The following MARCHF1 variants were observed in gnomAD, a reference collection of about 807,000 sequenced individuals.
MARCHF1 encodes membrane associated ring-CH-type finger 1, also known as E3 ubiquitin-protein ligase MARCHF1.
A neutral mutation model predicts 54.2 loss-of-function variants in MARCHF1; 40 were observed. That is an observed-to-expected ratio of 0.74 (90% CI 0.57 to 0.96). MARCHF1 has a LOEUF of 0.96. MARCHF1 is among the 40% of genes least tolerant of loss of function. MARCHF1 has a pLI of 0.00. For missense variants in MARCHF1, 586 were observed against 656.5 expected, an observed-to-expected ratio of 0.89 and a Z score of 1.17; for synonymous variants, 236 against 236.3, an observed-to-expected ratio of 1.00 and a Z score of 0.01.
chr4:164,308,922 TA>T (rs1734768772), intron 1 of MARCHF1, among the ~76,000 whole-genome samples: 1 of 139,872 alleles, frequency 7.1e-6, no homozygotes, highest in Admixed American at 7.2e-5. Flanking sequence ...TTTACCTAAA[TA>T]ACAAGCCTGC....
intron 4 of MARCHF1, among the ~76,000 whole-genome samples, chr4:163,845,863 G>A: frequency 6.6e-6 from 1 of 152,168 alleles, no homozygotes; most frequent in Non-Finnish European, 1.5e-5. Context: ...AAGCTGCACA[G>A]CTAATGTAAT....
intron 7 of MARCHF1, among the ~76,000 whole-genome samples, chr4:163,604,314 C>T (rs1233260581): frequency 6.6e-6 from 1 of 152,130 alleles, no homozygotes; most frequent in Non-Finnish European, 1.5e-5. Context: ...ATCTCTCTCT[C>T]AAACAATGTT....
At position 163,526,248 on chromosome 4, in the gene MARCHF1, C is replaced by CT. The variant is rs1738101007; in HGVS notation, c.*2499dup. The CT allele has an allele frequency of 6.6e-6, 1 of 152,030 alleles. No individual in the cohort carries two copies. The highest frequency in any genetic ancestry group is 1.5e-5 in the Non-Finnish European group (1 of 67,952). The allele number at this position is 152,030 out of a possible 1,614,324, so 9.4% of individuals were successfully genotyped here. ...AAAGTGTAGCCCTTAATAAATGAGGCTTTATTTTAGCCGATCATCCTCCAC... is the reference window on the plus strand; with the variant it reads ...AAAGTGTAGCCCTTAATAAATGAGGCTTTTATTTTAGCCGATCATCCTCCAC... On this transcript the variant is annotated 3_prime_UTR_variant, in exon 10 of 10. Transcript: ENST00000514618.
At chr4:164,283,458 T>C (rs1379399059) in intron 1 of MARCHF1, among the ~76,000 whole-genome samples, 1 of 150,720 alleles carries the variant, frequency 6.6e-6, no homozygotes, top group Non-Finnish European at 1.5e-5. Flanking sequence ...GAAAGATGCC[T>C]GGAAAAACTG....
chr4:163,989,928 A>T (rs1752941678), intron 2 of MARCHF1, among the ~76,000 whole-genome samples: 1 of 152,144 alleles, frequency 6.6e-6, no homozygotes, highest in South Asian at 2.1e-4. Flanking sequence ...ATAAGTTAGA[A>T]TTTTTCCCTA....
intron 3 of MARCHF1, among the ~76,000 whole-genome samples, chr4:163,900,935 C>T (rs771954646): frequency 1.4e-4 from 21 of 152,192 alleles, no homozygotes; most frequent in Non-Finnish European, 2.6e-4. Flanking sequence ...GATGACATTA[C>T]TAAAACTGTT....
At chr4:163,564,796 C>G (rs1739589357) in intron 8 of MARCHF1, among the ~76,000 whole-genome samples, 1 of 152,116 alleles carries the variant, frequency 6.6e-6, no homozygotes, top group African/African-American at 2.4e-5. Context: ...AGAAAAGAGT[C>G]AGATGTTTGT....
At chr4:163,657,848 G>A (rs1743204585) in intron 5 of MARCHF1, among the ~76,000 whole-genome samples, 1 of 152,020 alleles carries the variant, frequency 6.6e-6, no homozygotes, top group African/African-American at 2.4e-5. Context: ...TGGGAGAACT[G>A]GCTAGCTATA....
In MARCHF1 at chr4:164,336,551, T is replaced by C. The variant is rs1729746967; in HGVS notation, c.-323+47319A>G. On this transcript the variant is annotated intron_variant, in intron 1 of 9. Transcript: ENST00000514618. The stretch of plus-strand genomic sequence containing the variant: ...TTAAAATAATGCATCTTGGAATCAG[T>C]AACCAGTATATTGAAAGAATACCTT... Among the ~76,000 whole-genome samples, 3 of 152,242 alleles carry C rather than the reference T, an allele frequency of 2.0e-5. No individual in the cohort carries two copies. The South Asian group carries it at 6.2e-4, about 32-fold the overall frequency.
At chr4:163,807,265 A>G (rs188896606) in intron 4 of MARCHF1, among the ~76,000 whole-genome samples, 1 of 152,312 alleles carries the variant, frequency 6.6e-6, no homozygotes, top group Admixed American at 6.5e-5. Flanking sequence ...TATCACTGAC[A>G]AAAAGAAATG....
chr4:164,328,830 A>G (rs890391359), intron 1 of MARCHF1, among the ~76,000 whole-genome samples: 2 of 152,176 alleles, frequency 1.3e-5, no homozygotes, highest in Non-Finnish European at 2.9e-5. Context: ...ACACCCGGCC[A>G]CATGAAATAT....
rs1226172452 is a variant in MARCHF1, at chr4:163,526,880, C to G, written c.*1868G>C. ...GACATTGTTTACCTTTTGTTTATTT[C>G]TAGGAATCAAGACTATCTGGACTCA... is the stretch of plus-strand genomic sequence containing the variant. On this transcript the variant is annotated 3_prime_UTR_variant, in exon 10 of 10. Transcript: ENST00000514618. 6.6e-6 allele frequency: 1 copy of G among 151,796 alleles called. No homozygotes were observed. Among genetic ancestry groups the G allele is most frequent in the Non-Finnish European group, 1.5e-5 (1 of 67,862 alleles). The allele number at this position is 151,796 out of a possible 1,614,324, so 9.4% of individuals were successfully genotyped here. A position where few individuals can be genotyped will look rare whatever the true frequency, so the allele number is the denominator to read the frequency against.
chr4:164,091,674 CA>C (rs1246558917), intron 2 of MARCHF1, among the ~76,000 whole-genome samples: 2 of 151,752 alleles, frequency 1.3e-5, no homozygotes, highest in African/African-American at 4.8e-5. Context: ...AGTTTATAGT[CA>C]AATTGGAAAT....
rs114213453 is a variant in MARCHF1 at position 164,202,265 on chromosome 4, G to C, written c.-322-90603C>G. 5.9e-3 allele frequency among the ~76,000 whole-genome samples: 893 copies of C among 152,300 alleles called. 4 individuals are homozygous for C. Among genetic ancestry groups the C allele is most frequent in the African/African-American group, 0.02 (839 of 41,560 alleles). On this transcript the variant is annotated intron_variant, in intron 1 of 9. Transcript: ENST00000514618. ...AGGCATTGTCTAAGCTAAGGAGATG[G>C]TGGAGGGAGAGTTCCAGTCAGAGGA...
intron 5 of MARCHF1, among the ~76,000 whole-genome samples, chr4:163,640,278 T>C (rs1742506778): frequency 6.6e-6 from 1 of 152,126 alleles, no homozygotes; most frequent in South Asian, 2.1e-4. Context: ...TCAACAGGAT[T>C]GTCAATAAGG....
At chr4:164,201,185 T>A (rs1035159956) in intron 1 of MARCHF1, among the ~76,000 whole-genome samples, 1 of 150,650 alleles carries the variant, frequency 6.6e-6, no homozygotes, top group Non-Finnish European at 1.5e-5. Flanking sequence ...AAATCTGACA[T>A]GTTTTACAGA....
intron 1 of MARCHF1, among the ~76,000 whole-genome samples, chr4:164,230,665 C>G (rs1732391441): frequency 6.6e-6 from 1 of 152,076 alleles, no homozygotes; most frequent in Non-Finnish European, 1.5e-5. Context: ...AATCACCATT[C>G]TACTATCTAC....
intron 4 of MARCHF1, among the ~76,000 whole-genome samples, chr4:163,839,446 C>T (rs1192951947): frequency 6.6e-6 from 1 of 151,860 alleles, no homozygotes; most frequent in Non-Finnish European, 1.5e-5. Flanking sequence ...TCAGAATCGC[C>T]AAGAAGTGAA....
intron 2 of MARCHF1, among the ~76,000 whole-genome samples, chr4:164,050,432 G>T (rs1317324172): frequency 6.6e-6 from 1 of 151,814 alleles, no homozygotes; most frequent in Non-Finnish European, 1.5e-5. Context: ...TCTTTCACCA[G>T]ATCTTGTGTC....
Sources: gnomAD v4.1 joint callset for allele counts (sites outside exome capture counted in the v4.1 genomes callset) on GRCh38, gnomAD v4.1.1 for gene constraint, MANE v1.5 for transcripts, NCBI Gene and HGNC (gene_info 2026-07-23, HGNC 2026-07-21) for gene names.